Variants in MCC observed in about 807,000 individuals in gnomAD.
The protein encoded by MCC is colorectal mutant cancer protein.
MCC carries 90 observed loss-of-function variants against 116.2 expected under a neutral mutation model. That is an observed-to-expected ratio of 0.77 (90% CI 0.65 to 0.92). The LOEUF (loss-of-function observed/expected upper bound fraction) is 0.92. MCC is among the 40% of genes least tolerant of loss of function. The pLI is 0.00. For synonymous variants in MCC, 578 were observed against 510.5 expected (o/e 1.13, Z -1.78); for missense variants, 1,516 against 1,312.2 (o/e 1.16, Z -2.40).
At chr5:113,368,174 C>G (rs1768747989) in intron 2 of MCC, among the ~76,000 whole-genome samples, 2 of 152,248 alleles carry the variant, frequency 1.3e-5, no homozygotes, top group Non-Finnish European at 2.9e-5. Flanking sequence ...GGTCACTTAA[C>G]ATCCAGCATT....
At chr5:113,254,282 C>G (rs1181160290) in intron 3 of MCC, among the ~76,000 whole-genome samples, 1 of 152,064 alleles carries the variant, frequency 6.6e-6, no homozygotes, top group Non-Finnish European at 1.5e-5. Flanking sequence ...TGTACTGTTT[C>G]TGAAAACTTA....
rs537564470 is a variant in MCC, at chr5:113,154,326, T to G, written c.628-2904A>C. ...AATGAGGTAGAATAAAATATGTCTC[T>G]TACTGTTACTGACAATTACTCCGCA... On this transcript the variant is annotated intron_variant, in intron 3 of 18. Transcript: ENST00000408903. Among the ~76,000 whole-genome samples the G allele has an allele frequency of 2.6e-5, 4 of 152,364 alleles. No individual in the cohort carries two copies. In the East Asian group the frequency reaches 5.8e-4, roughly 22 times the overall value.
intron 3 of MCC, among the ~76,000 whole-genome samples, chr5:113,167,830 A>G (rs7717494): frequency 1.3e-5 from 2 of 151,828 alleles, no homozygotes; most frequent in Non-Finnish European, 2.9e-5. Flanking sequence ...AGGTCTTGTT[A>G]TGTTGCCCAG....
rs1581017065 is a variant in MCC, at chr5:113,082,751, T to C, written c.1784+109A>G. 4 of 1,351,098 alleles carry C rather than the reference T, an allele frequency of 3.0e-6. No homozygotes were observed. In the East Asian group the frequency reaches 6.9e-5, roughly 23 times the overall value. The allele number at this position is 1,351,098 out of a possible 1,614,324, so 83.7% of individuals were successfully genotyped here. A position where few individuals can be genotyped will look rare whatever the true frequency, so the allele number is the denominator to read the frequency against. On this transcript the variant is annotated intron_variant, in intron 11 of 18. Transcript: ENST00000408903. ...TCCATCCCCACCAGCCTGACGGTAC[T>C]GCTCTATGTCACAATACATAAGCCA... is the stretch of plus-strand genomic sequence containing the variant.
chr5:113,083,061 T>C (rs1349269981), intron 10 of MCC, 53 bp from the exon 11 acceptor site: 4 of 1,530,854 alleles, frequency 2.6e-6, no homozygotes, highest in Non-Finnish European at 3.6e-6. Flanking sequence ...CAGAGATGCA[T>C]GTTTTGCATG....
At chr5:113,271,793 T>G (rs1054109272) in intron 3 of MCC, among the ~76,000 whole-genome samples, 1 of 152,198 alleles carries the variant, frequency 6.6e-6, no homozygotes, top group African/African-American at 2.4e-5. Flanking sequence ...CATTCCCCTC[T>G]TGCCATGTGA....
intron 8 of MCC, among the ~76,000 whole-genome samples, chr5:113,088,621 C>G (rs905516212): frequency 1.3e-5 from 2 of 151,776 alleles, no homozygotes; most frequent in Non-Finnish European, 2.9e-5. Flanking sequence ...GGAAGAAGGT[C>G]CTGTGAAGAT....
chr5:113,307,053 G>A (rs1767002584), intron 3 of MCC, among the ~76,000 whole-genome samples: 1 of 152,090 alleles, frequency 6.6e-6, no homozygotes, highest in Admixed American at 6.5e-5. Context: ...CTTGGTTATT[G>A]GAGTTTCATA....
chr5:113,352,132 G>A (rs561645478), intron 2 of MCC, among the ~76,000 whole-genome samples: 1 of 152,210 alleles, frequency 6.6e-6, no homozygotes, highest in East Asian at 1.9e-4. Flanking sequence ...AAAAACTATA[G>A]TAGACTGTTC....
intron 1 of MCC, among the ~76,000 whole-genome samples, chr5:113,477,705 A>G (rs1772270631): frequency 6.6e-6 from 1 of 152,332 alleles, no homozygotes; most frequent in Middle Eastern, 3.4e-3. Flanking sequence ...AAGGAGCTCC[A>G]GAGATGTGAA....
chr5:113,468,509 G>C (rs1297002446), intron 1 of MCC, among the ~76,000 whole-genome samples: 1 of 152,180 alleles, frequency 6.6e-6, no homozygotes, highest in African/African-American at 2.4e-5. Flanking sequence ...TGTTGAACCA[G>C]CCTTGCATCC....
chr5:113,280,612 T>A (rs1346104622), intron 3 of MCC, among the ~76,000 whole-genome samples: 5 of 152,010 alleles, frequency 3.3e-5, no homozygotes. Context: ...AGGTGACATG[T>A]TGAGTCTAGA....
At chr5:113,030,789 T>C (rs1042804717) in intron 17 of MCC, among the ~76,000 whole-genome samples, 1 of 152,168 alleles carries the variant, frequency 6.6e-6, no homozygotes. Flanking sequence ...AAAAGCTGAG[T>C]GTGAATATCT....
rs540533320 is a variant in MCC, at chr5:113,133,242, T to A, written c.884+9976A>T. Among the ~76,000 whole-genome samples the A allele has an allele frequency of 2.0e-5, 3 of 152,212 alleles. No individual in the cohort carries two copies. The South Asian group carries it at 6.2e-4, about 32-fold the overall frequency. On this transcript the variant is annotated intron_variant, in intron 5 of 18. Coordinates refer to ENST00000408903, the MANE Select transcript of MCC (RefSeq NM_001085377.2). ...CAAACACTAGGTCTTACTTCTTCTATCTACCTATATTTTTGTACCCATTAT... is the reference window on the plus strand; with the variant it reads ...CAAACACTAGGTCTTACTTCTTCTAACTACCTATATTTTTGTACCCATTAT...
intron 5 of MCC, among the ~76,000 whole-genome samples, chr5:113,140,239 T>G (rs1039048523): frequency 4.0e-4 from 61 of 152,132 alleles, no homozygotes; most frequent in African/African-American, 1.5e-3. Flanking sequence ...ATGATTATAT[T>G]TGCCACCTCC....
intron 17 of MCC, among the ~76,000 whole-genome samples, chr5:113,036,608 C>A (rs1029440269): frequency 1.3e-5 from 2 of 152,052 alleles, no homozygotes; most frequent in Non-Finnish European, 2.9e-5. Context: ...AGCAGTCTAA[C>A]TTTTTTTTGC....
chr5:113,382,257 T>C (rs1228129498), intron 2 of MCC, among the ~76,000 whole-genome samples: 4 of 151,530 alleles, frequency 2.6e-5, no homozygotes, highest in African/African-American at 7.3e-5. Context: ...TATATCTTTA[T>C]CTAATTATTG....
chr5:113,326,658 G>C (rs1448938568), intron 3 of MCC, among the ~76,000 whole-genome samples: 1 of 152,188 alleles, frequency 6.6e-6, no homozygotes, highest in African/African-American at 2.4e-5. Context: ...GCTATATGAA[G>C]TTTATAATGA....
chr5:113,295,172 T>TAA (rs112353235), intron 3 of MCC, among the ~76,000 whole-genome samples: 4,063 of 132,092 alleles, frequency 0.031, 194 homozygotes, highest in African/African-American at 0.11. Context: ...TGCAGGAAAT[T>TAA]AAAAAAAAAA....
Sources: allele counts gnomAD v4.1 joint callset (sites outside exome capture counted in the v4.1 genomes callset), GRCh38; gene constraint gnomAD v4.1.1; transcripts MANE v1.5; gene names NCBI Gene and HGNC (gene_info 2026-07-23, HGNC 2026-07-21).